The following SEPTIN11 variants were observed in gnomAD, a reference collection of about 807,000 sequenced individuals.
The protein encoded by SEPTIN11 is septin-11.
In SEPTIN11, 25 loss-of-function variants were observed where a neutral mutation model predicts 51.4. That is an observed-to-expected ratio of 0.49 (90% CI 0.35 to 0.68). The LOEUF (loss-of-function observed/expected upper bound fraction) is 0.68. Among genes scored for constraint, SEPTIN11 ranks in the 30% least tolerant of loss-of-function variants. SEPTIN11 has a pLI of 0.00. For missense variants in SEPTIN11, 381 were observed against 520.8 expected, an observed-to-expected ratio of 0.73 and a Z score of 2.61; for synonymous variants, 174 against 184.1, an observed-to-expected ratio of 0.95 and a Z score of 0.44.
intron 9 of SEPTIN11, among the ~76,000 whole-genome samples, chr4:77,032,494 T>C (rs768025585): frequency 6.6e-6 from 1 of 152,216 alleles, no homozygotes; most frequent in Non-Finnish European, 1.5e-5. Flanking sequence ...TGAAGACAGA[T>C]GAAAGCCATT....
Position 76,994,900 on chromosome 4 carries a change from CTTTTTTTTTTTTTT to C in SEPTIN11, c.28-1510_28-1497del, listed in dbSNP as rs55728971. ...ATTGACTAAGTGATCCTGTACAAAG[CTTTTTTTTTTTTTT>C]TTTTTTTTTTTTTTAAATAAAATGG... is the stretch of plus-strand genomic sequence containing the variant. On this transcript the variant is annotated intron_variant, in intron 1 of 9. Coordinates refer to ENST00000264893, the MANE Select transcript of SEPTIN11 (RefSeq NM_018243.4). Among the ~76,000 whole-genome samples, 6 of 54,880 alleles carry C rather than the reference CTTTTTTTTTTTTTT, an allele frequency of 1.1e-4. No individual in the cohort carries two copies. In the East Asian group the frequency reaches 3.5e-3, roughly 32 times the overall value. 36.0% of individuals were successfully genotyped at this position (54,880 alleles called of 152,430 possible).
At position 76,949,828 on chromosome 4, in the gene SEPTIN11, C is replaced by T. The variant is rs539989783; in HGVS notation, c.-76C>T. 5.5e-6 allele frequency: 8 copies of T among 1,462,548 alleles called. No individual in the cohort carries two copies. The Admixed American group carries it at 8.4e-5, about 15-fold the overall frequency. The allele number at this position is 1,462,548 out of a possible 1,614,324, so 90.6% of individuals were successfully genotyped here. ...CGAGGGAGGCGCGAGGGAGGCGAGC[C>T]GGAGCCCGAGCACTAGCAGCAGCCG... On this transcript the variant is annotated 5_prime_UTR_variant, in exon 1 of 10. Coordinates refer to ENST00000264893, the MANE Select transcript of SEPTIN11 (RefSeq NM_018243.4).
rs1398907977 is a variant in SEPTIN11 at position 76,950,006 on chromosome 4, A to G, written c.27+76A>G. On this transcript the variant is annotated intron_variant, in intron 1 of 9. Coordinates refer to ENST00000264893, the MANE Select transcript of SEPTIN11 (RefSeq NM_018243.4). ...CTCTGGGGCGGGTGCGGTGAGGACC[A>G]CAGGGGAGCCGGGCGGGTGCTCGGC... 8 of 1,310,972 alleles carry G rather than the reference A, an allele frequency of 6.1e-6. No homozygotes were observed. In the African/African-American group the frequency reaches 1.4e-4, roughly 23 times the overall value. The allele number at this position is 1,310,972 out of a possible 1,614,324, so 81.2% of individuals were successfully genotyped here. A position where few individuals can be genotyped will look rare whatever the true frequency, so the allele number is the denominator to read the frequency against.
At chr4:77,025,310 G>A (rs1028320354) in intron 7 of SEPTIN11, among the ~76,000 whole-genome samples, 1 of 152,278 alleles carries the variant, frequency 6.6e-6, no homozygotes, top group Non-Finnish European at 1.5e-5. Context: ...GCTGAGGTAG[G>A]AGGATCACCT....
In SEPTIN11 at chr4:77,037,373, AATT is replaced by A. The variant is rs1290670089; in HGVS notation, c.*2866_*2868del. On this transcript the variant is annotated 3_prime_UTR_variant, in exon 10 of 10. Coordinates refer to ENST00000264893, the MANE Select transcript of SEPTIN11 (RefSeq NM_018243.4). Reference sequence around the variant, plus strand: ...TGAGACTCTCCAAAAAAAAAAAAGAAATTATTAATCCCTGCCTGTGCTCTACAT... The same window carrying A: ...TGAGACTCTCCAAAAAAAAAAAAGAAATTAATCCCTGCCTGTGCTCTACAT... The A allele has an allele frequency of 2.7e-5, 27 of 985,254 alleles. No homozygotes were observed. Among genetic ancestry groups the A allele is most frequent in the Non-Finnish European group, 1.2e-6 (1 of 829,904 alleles). The allele number at this position is 985,254 out of a possible 1,614,324, so 61.0% of individuals were successfully genotyped here.
At chr4:76,963,072 A>G (rs1721888392) in intron 1 of SEPTIN11, among the ~76,000 whole-genome samples, 1 of 152,242 alleles carries the variant, frequency 6.6e-6, no homozygotes, top group Admixed American at 6.5e-5. Context: ...TGGAAAAATT[A>G]TGTGTTAAAA....
chr4:76,997,542 G>A (rs1392303263), intron 2 of SEPTIN11, among the ~76,000 whole-genome samples: 1 of 152,156 alleles, frequency 6.6e-6, no homozygotes, highest in East Asian at 1.9e-4. Context: ...GCATTCATTA[G>A]TAGAAAGCCA....
intron 1 of SEPTIN11, among the ~76,000 whole-genome samples, chr4:76,960,820 C>T (rs1313926350): frequency 2.0e-5 from 3 of 152,182 alleles, no homozygotes; most frequent in Admixed American, 6.5e-5. Context: ...CAAACCAAAT[C>T]AGAACCAAAA....
At chr4:76,962,054 T>C (rs1215048752) in intron 1 of SEPTIN11, among the ~76,000 whole-genome samples, 1 of 152,254 alleles carries the variant, frequency 6.6e-6, no homozygotes, top group Non-Finnish European at 1.5e-5. Context: ...AAAACTGCCG[T>C]TAATTAAATA....
intron 3 of SEPTIN11, among the ~76,000 whole-genome samples, chr4:77,011,495 A>G (rs1032107843): frequency 3.1e-5 from 4 of 130,450 alleles, no homozygotes; most frequent in Non-Finnish European, 4.7e-5. Flanking sequence ...GAGCAAAGAC[A>G]CAGAGGAAAT....
chr4:77,032,916 C>A (rs1464928220), intron 9 of SEPTIN11, among the ~76,000 whole-genome samples: 1 of 152,168 alleles, frequency 6.6e-6, no homozygotes, highest in Non-Finnish European at 1.5e-5. Context: ...TATCCTGGGG[C>A]CTTACCAATG....
At chr4:77,022,763 A>G (rs761060943) in intron 7 of SEPTIN11, among the ~76,000 whole-genome samples, 10 of 152,214 alleles carry the variant, frequency 6.6e-5, no homozygotes, top group African/African-American at 2.2e-4. Context: ...CAAAATGTTC[A>G]GAGCCATTTG....
downstream of SEPTIN11, chr4:77,038,682 T>C: frequency 9.9e-7 from 1 of 1,014,176 alleles, no homozygotes; most frequent in Non-Finnish European, 1.2e-6. Flanking sequence ...ACGTGCTTAC[T>C]GGATAAAAGA....
intron 7 of SEPTIN11, among the ~76,000 whole-genome samples, chr4:77,025,041 G>A (rs1726011032): frequency 6.6e-6 from 1 of 152,156 alleles, no homozygotes; most frequent in Admixed American, 6.5e-5. Flanking sequence ...GAACTGAAGT[G>A]TCTGTGTTCG....
intron 1 of SEPTIN11, among the ~76,000 whole-genome samples, chr4:76,983,626 G>A (rs543626070): frequency 1.2e-4 from 19 of 152,344 alleles, no homozygotes; most frequent in African/African-American, 4.6e-4. Flanking sequence ...TTATATGGCA[G>A]TAGAAAACTA....
chr4:76,969,856 C>A (rs1722170762), intron 1 of SEPTIN11, among the ~76,000 whole-genome samples: 1 of 152,292 alleles, frequency 6.6e-6, no homozygotes, highest in East Asian at 1.9e-4. Context: ...TCCTCCAGTT[C>A]TTAAAAAGCA....
intron 1 of SEPTIN11, among the ~76,000 whole-genome samples, chr4:76,985,299 AAG>A (rs1722968537): frequency 6.6e-6 from 1 of 152,234 alleles, no homozygotes; most frequent in African/African-American, 2.4e-5. Flanking sequence ...TTCTGTCTCT[AAG>A]AAAAAAGTGC....
intron 1 of SEPTIN11, among the ~76,000 whole-genome samples, chr4:76,991,562 G>GGGCATA (rs1469973381): frequency 4.5e-5 from 6 of 132,282 alleles, no homozygotes; most frequent in Admixed American, 2.4e-4. Context: ...TCATAAGAAA[G>GGGCATA]TGACCTTTTG....
rs1426162778 is a variant in SEPTIN11, at chr4:77,034,749, A to AT, written c.*240dup. On this transcript the variant is annotated 3_prime_UTR_variant, in exon 10 of 10. Coordinates refer to ENST00000264893, the MANE Select transcript of SEPTIN11 (RefSeq NM_018243.4). ...GGACTCTGTTTCCGGAAAGTAAATG[A>AT]TTTGCTTTTTATGCCTGTTCTGAAT... The AT allele has an allele frequency of 1.6e-6, 2 of 1,223,786 alleles. No individual in the cohort carries two copies. The highest frequency in any genetic ancestry group is 2.0e-6 in the Non-Finnish European group (2 of 978,396). 75.8% of individuals were successfully genotyped at this position (1,223,786 alleles called of 1,614,324 possible).
Sources: gnomAD v4.1 joint callset for allele counts (sites outside exome capture counted in the v4.1 genomes callset) on GRCh38, gnomAD v4.1.1 for gene constraint, MANE v1.5 for transcripts, NCBI Gene and HGNC (gene_info 2026-07-23, HGNC 2026-07-21) for gene names.